Variants in GALNT13 observed in about 807,000 individuals in gnomAD.
The protein encoded by GALNT13 is UDP-GalNAc:polypeptide N-acetylgalactosaminyltransferase 13.
GALNT13 carries 28 observed loss-of-function variants against 64.2 expected under a neutral mutation model. The ratio of observed to expected loss-of-function variants is 0.44; its 90% CI spans 0.32 to 0.60. The LOEUF is 0.60. GALNT13 is among the 20% of genes least tolerant of loss of function. The pLI is 0.05. For synonymous variants in GALNT13, 214 were observed against 224.6 expected (o/e 0.95, Z 0.42); for missense variants, 577 against 669.8 (o/e 0.86, Z 1.53).
chr2:154,052,992 C>T (rs989346168), intron 3 of GALNT13, among the ~76,000 whole-genome samples: 1 of 152,044 alleles, frequency 6.6e-6, no homozygotes, highest in Non-Finnish European at 1.5e-5. Flanking sequence ...GAGGCCGCCT[C>T]GGTCTCCCAA....
At chr2:153,891,627 C>T (rs551316816) in intron 1 of GALNT13, among the ~76,000 whole-genome samples, 1 of 152,170 alleles carries the variant, frequency 6.6e-6, no homozygotes, top group South Asian at 2.1e-4. Context: ...CAAGGTTGTG[C>T]TTAATCTAAA....
intron 6 of GALNT13, 128 bp downstream of exon 6, chr2:154,243,033 G>A: frequency 5.7e-6 from 4 of 701,978 alleles, no homozygotes; most frequent in Non-Finnish European, 9.3e-6. Flanking sequence ...TTTCTTAAAA[G>A]CACGTTTTCC....
At chr2:153,573,032 G>A in the GALNT13 span, among the ~76,000 whole-genome samples, 6 of 151,954 alleles carry the variant, frequency 3.9e-5, no homozygotes, top group Non-Finnish European at 7.4e-5. Flanking sequence ...AATGCTGAGT[G>A]TGGGGTGTTG....
the GALNT13 span, among the ~76,000 whole-genome samples, chr2:153,148,329 C>T: frequency 6.6e-6 from 1 of 151,862 alleles, no homozygotes; most frequent in South Asian, 2.1e-4. Flanking sequence ...AGGACATACA[C>T]TCCAGGAATA....
the GALNT13 span, among the ~76,000 whole-genome samples, chr2:153,495,716 A>G: frequency 6.6e-6 from 1 of 152,172 alleles, no homozygotes; most frequent in Non-Finnish European, 1.5e-5. Flanking sequence ...CTAATCTATC[A>G]TATCAAAACA....
chr2:153,535,270 G>T, the GALNT13 span, among the ~76,000 whole-genome samples: 3 of 152,130 alleles, frequency 2.0e-5, no homozygotes, highest in Admixed American at 2.0e-4. Flanking sequence ...GGTATAAAAG[G>T]TCTAAGAATT....
At chr2:153,857,383 C>A in the GALNT13 span, among the ~76,000 whole-genome samples, 1 of 151,964 alleles carries the variant, frequency 6.6e-6, no homozygotes, top group African/African-American at 2.4e-5. Flanking sequence ...TAAGTTAATT[C>A]ATGTTTTAAG....
At chr2:154,387,528 T>C (rs996644744) in intron 9 of GALNT13, among the ~76,000 whole-genome samples, 15 of 121,254 alleles carry the variant, frequency 1.2e-4, no homozygotes, top group Admixed American at 4.6e-4. Context: ...CAAAACGTGT[T>C]TCTCCTATCT....
intron 3 of GALNT13, among the ~76,000 whole-genome samples, chr2:153,948,429 G>A (rs1162484454): frequency 6.6e-6 from 1 of 152,030 alleles, no homozygotes; most frequent in Admixed American, 6.6e-5. Context: ...TTCAACTATT[G>A]TGGAAGACAA....
At chr2:153,904,297 A>G (rs950624056) in intron 2 of GALNT13, among the ~76,000 whole-genome samples, 1 of 151,820 alleles carries the variant, frequency 6.6e-6, no homozygotes, top group African/African-American at 2.4e-5. Context: ...ATTCTTTTAA[A>G]TGTGTTTTTG....
intron 9 of GALNT13, 59 bp downstream of exon 9, chr2:154,301,648 AAT>A: frequency 1.8e-6 from 2 of 1,087,420 alleles, no homozygotes; most frequent in Non-Finnish European, 2.7e-6. Flanking sequence ...AAACATACTG[AAT>A]ATGTGTTTCA....
At chr2:153,691,339 T>C in the GALNT13 span, among the ~76,000 whole-genome samples, 40,577 of 152,062 alleles carry the variant, frequency 0.27, 6,759 homozygotes, top group Middle Eastern at 0.46. Context: ...GTGTGAGGGA[T>C]ATGCAGGATG....
intron 9 of GALNT13, among the ~76,000 whole-genome samples, 180 bp downstream of exon 9, chr2:154,301,769 C>G (rs1235826895): frequency 6.6e-6 from 1 of 151,960 alleles, no homozygotes; most frequent in African/African-American, 2.4e-5. Context: ...AAAATAAGAA[C>G]TGTATTTCAA....
At chr2:153,671,288 G>A in the GALNT13 span, among the ~76,000 whole-genome samples, 2 of 152,140 alleles carry the variant, frequency 1.3e-5, no homozygotes, top group Non-Finnish European at 2.9e-5. Flanking sequence ...AAAATGTTAA[G>A]TGCAGCCAGA....
chr2:153,822,776 C>G, the GALNT13 span, among the ~76,000 whole-genome samples: 2 of 152,106 alleles, frequency 1.3e-5, no homozygotes, highest in Non-Finnish European at 2.9e-5. Context: ...CTTAGCCAAG[C>G]AACCAGGCAA....
At chr2:153,457,711 C>G in the GALNT13 span, among the ~76,000 whole-genome samples, 9 of 152,292 alleles carry the variant, frequency 5.9e-5, no homozygotes, top group South Asian at 4.1e-4. Context: ...TCTAACATCA[C>G]TGCCTGAATT....
intron 3 of GALNT13, among the ~76,000 whole-genome samples, chr2:153,963,864 C>T (rs1032361898): frequency 2.7e-5 from 4 of 150,106 alleles, no homozygotes; most frequent in Non-Finnish European, 4.4e-5. Context: ...TGCCTTTTTA[C>T]TTTTCTAAAT....
intron 9 of GALNT13, among the ~76,000 whole-genome samples, chr2:154,391,972 G>A (rs188851295): frequency 4.6e-4 from 70 of 152,262 alleles, no homozygotes; most frequent in African/African-American, 1.5e-3. Context: ...TTTCAGCAAA[G>A]ACTTGGACCA....
chr2:154,081,385 T>C (rs1219827635), intron 3 of GALNT13, among the ~76,000 whole-genome samples: 1 of 151,666 alleles, frequency 6.6e-6, no homozygotes, highest in Non-Finnish European at 1.5e-5. Flanking sequence ...GCTTAACTTC[T>C]TGTAATAACT....
Sources: gnomAD v4.1 joint callset for allele counts (sites outside exome capture counted in the v4.1 genomes callset) on GRCh38, gnomAD v4.1.1 for gene constraint, MANE v1.5 for transcripts, NCBI Gene and HGNC (gene_info 2026-07-23, HGNC 2026-07-21) for gene names.